The following RGS12 variants were observed in gnomAD, a reference collection of about 807,000 sequenced individuals.
The protein encoded by RGS12 is regulator of G protein signaling 12.
In RGS12, 66 loss-of-function variants were observed where a neutral mutation model predicts 120.1. The ratio of observed to expected loss-of-function variants is 0.55; its 90% confidence interval spans 0.45 to 0.67. The LOEUF (loss-of-function observed/expected upper bound fraction) is 0.67. Among genes scored for constraint, RGS12 ranks in the 30% least tolerant of loss-of-function variants. RGS12 has a pLI of 0.00. For synonymous variants in RGS12, 827 were observed against 804.7 expected (o/e 1.03, Z -0.47); for missense variants, 1,859 against 1,957.7 (o/e 0.95, Z 0.95).
At chr4:3,318,274 G>C (rs1427510635) in intron 2 of RGS12, among the ~76,000 whole-genome samples, 1 of 152,194 alleles carries the variant, frequency 6.6e-6, no homozygotes, top group Non-Finnish European at 1.5e-5. Context: ...TTCTGGTTCT[G>C]GCTCTGATGG....
intron 3 of RGS12, among the ~76,000 whole-genome samples, chr4:3,368,183 C>T (rs1716539903): frequency 6.6e-6 from 1 of 152,206 alleles, no homozygotes; most frequent in African/African-American, 2.4e-5. Flanking sequence ...ACTGTCTCCT[C>T]CAAAGCTCTG....
rs1719426326 is a variant in RGS12 at position 3,390,880 on chromosome 4, T to C, written c.2020+4443T>C. ...TTAAACTGCATTCCTCTTTAAAATATAAAGTATAATTGTTGATATTTTTGG... is the reference window on the plus strand; with the variant it reads ...TTAAACTGCATTCCTCTTTAAAATACAAAGTATAATTGTTGATATTTTTGG... On this transcript the variant is annotated intron_variant, in intron 4 of 17. Coordinates refer to ENST00000336727, the MANE Select transcript of RGS12 (RefSeq NM_001394154.1). The surrounding 1 kb of genome is among the most constrained non-coding windows in gnomAD (Gnocchi z 4.6). Among the ~76,000 whole-genome samples, 1 of 152,250 alleles carries C rather than the reference T, an allele frequency of 6.6e-6. No individual in the cohort carries two copies. The highest frequency in any genetic ancestry group is 2.1e-4 in the South Asian group (1 of 4,836).
chr4:3,303,607 A>G (rs2110362567), intron 1 of RGS12, among the ~76,000 whole-genome samples: 1 of 152,296 alleles, frequency 6.6e-6, no homozygotes, highest in South Asian at 2.1e-4. Context: ...TGGGGGGAAC[A>G]AGAGGAAGGA....
chr4:3,425,327 G>A, intron 13 of RGS12, 137 bp from the exon 14 acceptor site: 2 of 758,864 alleles, frequency 2.6e-6, no homozygotes, highest in South Asian at 1.6e-5. Context: ...GCCTCAGTCA[G>A]GCAGGCCTCA....
Position 3,414,086 on chromosome 4 carries a change from G to A in RGS12, c.2035G>A (p.Asp679Asn), listed in dbSNP as rs757795434. ...TVSDGELTGA[D>N]LKDCVSNNSL... ...TGGTCCCGCAGAGTTGACGGGCGCCGACCTGAAGGACTGCGTCAGCAACAA... is the reference window on the plus strand; with the variant it reads ...TGGTCCCGCAGAGTTGACGGGCGCCAACCTGAAGGACTGCGTCAGCAACAA... Residue 679 changes from aspartate to asparagine, a missense_variant, in exon 5 of 18, where the codon GAC (aspartate) becomes AAC (asparagine). By Grantham distance (23) the Asp-to-Asn change is conservative. Transcript: ENST00000336727. 6 of 1,565,838 alleles carry A rather than the reference G, an allele frequency of 3.8e-6. No homozygotes were observed. The African/African-American group carries it at 4.0e-5, about 11-fold the overall frequency.
At chr4:3,289,209 A>AT (rs200809734), upstream of RGS12, among the ~76,000 whole-genome samples, 24 of 147,840 alleles carry the variant, frequency 1.6e-4, no homozygotes, top group African/African-American at 2.0e-4. Context: ...AACCATCACA[A>AT]TTTTTTTTTT....
rs1307606768 is a variant in RGS12, at chr4:3,365,423, G to T, written c.1999-20993G>T. Among the ~76,000 whole-genome samples the T allele has an allele frequency of 6.6e-6, 1 of 152,074 alleles. No homozygotes were observed. Among genetic ancestry groups the T allele is most frequent in the Non-Finnish European group, 1.5e-5 (1 of 67,990 alleles). ...TGAGGGAGGGAGGAGGGAGGGAGGT[G>T]GCAGGAGCTTTTGCGTCTGTCCCCA... On this transcript the variant is annotated intron_variant, in intron 3 of 17. Coordinates refer to ENST00000336727, the MANE Select transcript of RGS12 (RefSeq NM_001394154.1). The surrounding 1 kb of genome is among the most constrained non-coding windows in gnomAD (Gnocchi z 4.0).
upstream of RGS12, among the ~76,000 whole-genome samples, chr4:3,290,281 G>T (rs759129326): frequency 2.0e-5 from 3 of 152,156 alleles, no homozygotes; most frequent in Non-Finnish European, 2.9e-5. Flanking sequence ...ACAGCTCAGG[G>T]GTATCAAGCA....
chr4:3,370,302 A>G (rs566102696), intron 3 of RGS12: 1 of 1,614,170 alleles, frequency 6.2e-7, no homozygotes, highest in South Asian at 1.1e-5. Flanking sequence ...AACGAAACCC[A>G]TGTTTCTAAT....
chr4:3,362,561 TGTG>T (rs1488259808), intron 3 of RGS12, among the ~76,000 whole-genome samples: 1 of 121,446 alleles, frequency 8.2e-6, no homozygotes, highest in Non-Finnish European at 1.7e-5. Context: ...GTGTGTGTGA[TGTG>T]AGGGTTGGTG....
chr4:3,428,735 C>A, intron 16 of RGS12, 24 bp downstream of exon 16: 1 of 1,567,642 alleles, frequency 6.4e-7, no homozygotes, highest in East Asian at 2.2e-5. Flanking sequence ...TTAAAACTTC[C>A]ACGTTTTTAG....
chr4:3,397,758 A>G (rs2109020506), intron 4 of RGS12, among the ~76,000 whole-genome samples: 1 of 152,366 alleles, frequency 6.6e-6, no homozygotes, highest in East Asian at 1.9e-4. Context: ...GGGCTTGAAA[A>G]TAGAAATTTG....
chr4:3,423,889 T>C, intron 13 of RGS12: 1 of 444,728 alleles, frequency 2.2e-6, no homozygotes, highest in Admixed American at 3.6e-5. Flanking sequence ...GTGGTTTTGC[T>C]CCAGGGAGGC....
At position 3,433,903 on chromosome 4, in the gene RGS12, G is replaced by T. The variant is rs1307735883; in HGVS notation, c.4114+2948G>T. On this transcript the variant is annotated intron_variant, in intron 17 of 17. Coordinates refer to ENST00000336727, the MANE Select transcript of RGS12 (RefSeq NM_001394154.1). This position sits in a 1 kb window ranked among gnomAD's most constrained non-coding sequence, Gnocchi z 4.4. ...CTTTCCCTTTGGCCACTTGCTGCCA[G>T]GCCACCCAGTCTAATGGCCCTGAGC... Among the ~76,000 whole-genome samples the T allele has an allele frequency of 3.3e-5, 5 of 152,144 alleles. No individual in the cohort carries two copies. The highest frequency in any genetic ancestry group is 7.2e-5 in the African/African-American group (3 of 41,428).
At chr4:3,314,027 A>G (rs1427921358) in intron 1 of RGS12, 6 of 151,508 alleles carry the variant, frequency 4.0e-5, no homozygotes. Flanking sequence ...TTAAAAAATT[A>G]TAAAATAATT....
chr4:3,378,411 G>T (rs917530470), intron 3 of RGS12: 1 of 152,104 alleles, frequency 6.6e-6, no homozygotes, highest in Non-Finnish European at 1.5e-5. Context: ...AAAGTAAACA[G>T]GTGGGATTAC....
chr4:3,412,348 C>T (rs74501093), intron 4 of RGS12, among the ~76,000 whole-genome samples: 331 of 152,336 alleles, frequency 2.2e-3, no homozygotes, highest in African/African-American at 7.4e-3. Flanking sequence ...CTCTGCCTGT[C>T]GCCTACAGCA....
intron 2 of RGS12, among the ~76,000 whole-genome samples, chr4:3,337,368 A>G (rs1325302786): frequency 6.6e-6 from 1 of 152,242 alleles, no homozygotes; most frequent in East Asian, 1.9e-4. Flanking sequence ...ACTTCTACGT[A>G]TATACCCAAA....
intron 3 of RGS12, among the ~76,000 whole-genome samples, chr4:3,382,959 A>G (rs1373894281): frequency 6.6e-6 from 1 of 151,952 alleles, no homozygotes; most frequent in African/African-American, 2.4e-5. Flanking sequence ...CTCTGCTGAT[A>G]CCCACTCATG....
Sources: gnomAD v4.1 joint callset for allele counts (sites outside exome capture counted in the v4.1 genomes callset) on GRCh38, gnomAD v4.1.1 for gene constraint, Gnocchi (gnomAD v3.1) non-coding constraint, MANE v1.5 for transcripts, NCBI Gene and HGNC (gene_info 2026-07-23, HGNC 2026-07-21) for gene names.